UFM1: variants seen among roughly 807,000 people sequenced by gnomAD.
The protein encoded by UFM1 is ubiquitin fold modifier 1.
A neutral mutation model predicts 15.4 loss-of-function variants in UFM1; 9 were observed. The ratio of observed to expected loss-of-function variants is 0.59; its 90% CI spans 0.35 to 1.02. The LOEUF is 1.02. Ranked by LOEUF, UFM1 falls within the 50% of genes least tolerant of loss-of-function variation. The pLI, the probability that UFM1 is intolerant of heterozygous loss-of-function variation, is 0.02. For synonymous variants in UFM1, 27 were observed against 36.3 expected (o/e 0.74, Z 0.92); for missense variants, 98 against 104.7 (o/e 0.94, Z 0.28).
intron 2 of UFM1, among the ~76,000 whole-genome samples, chr13:38,352,311 A>G (rs919152009): frequency 5.3e-5 from 8 of 151,740 alleles, no homozygotes; most frequent in African/African-American, 1.9e-4. Context: ...GTTAGCCAGG[A>G]TGGTTTCCAT....
Position 38,360,732 on chromosome 13 carries a change from G to C in UFM1, c.212G>C (p.Gly71Ala), listed in dbSNP as rs750910147. The change falls in exon 6 of 6, where the codon GGT becomes GCT. Residue 71 changes from glycine to alanine, a missense_variant. Transcript: ENST00000239878. ...ATAGGAAATGTTTTTCTAAAACATGGTTCAGAACTGCGGATTATTCCTAGA... is the reference window on the plus strand; with the variant it reads ...ATAGGAAATGTTTTTCTAAAACATGCTTCAGAACTGCGGATTATTCCTAGA... ...QTAGNVFLKH[G>A]SELRIIPRDR... 6.2e-7 allele frequency: 1 copy of C among 1,607,298 alleles called. No homozygotes were observed. The highest frequency in any genetic ancestry group is 1.7e-5 in the Admixed American group (1 of 59,650).
At chr13:38,358,880 A>G (rs563986410) in intron 4 of UFM1, among the ~76,000 whole-genome samples, 1 of 152,176 alleles carries the variant, frequency 6.6e-6, no homozygotes, top group South Asian at 2.1e-4. Flanking sequence ...TAACTTAGTA[A>G]CGTGTTGAAC....
At chr13:38,360,476 T>C (rs892049589) in intron 5 of UFM1, among the ~76,000 whole-genome samples, 1 of 152,042 alleles carries the variant, frequency 6.6e-6, no homozygotes, top group Non-Finnish European at 1.5e-5. Context: ...TTGATGAAAG[T>C]ATTCGTCAGA....
chr13:38,353,906 C>G (rs142164132), intron 2 of UFM1, among the ~76,000 whole-genome samples: 2 of 152,146 alleles, frequency 1.3e-5, no homozygotes, highest in African/African-American at 2.4e-5. Flanking sequence ...AGAGCTTCAC[C>G]TTTTTGAAAT....
At chr13:38,349,958 C>A in intron 1 of UFM1, 37 bp downstream of exon 1, 1 of 1,614,050 alleles carries the variant, frequency 6.2e-7, no homozygotes, top group Non-Finnish European at 8.5e-7. Flanking sequence ...AATTCCTGGT[C>A]CAGCTGCCCG....
chr13:38,353,549 AT>A (rs966920449), intron 2 of UFM1, among the ~76,000 whole-genome samples: 8 of 152,026 alleles, frequency 5.3e-5, no homozygotes. Flanking sequence ...GAAAAAAAAA[AT>A]ATATTTATTC....
At position 38,361,078 on chromosome 13, in the gene UFM1, T is replaced by A. The variant is rs111718532; in HGVS notation, c.*300T>A. On this transcript the variant is annotated 3_prime_UTR_variant, in exon 6 of 6. Transcript: ENST00000239878. ...ACTGTTAACTGGAAGCTTTTGATAATTTTTTTTTTTAGAACAATTTGGAAC... is the reference window on the plus strand; with the variant it reads ...ACTGTTAACTGGAAGCTTTTGATAAATTTTTTTTTTAGAACAATTTGGAAC... The A allele has an allele frequency of 0.027, 4,641 of 174,050 alleles. 248 individuals carry two copies. Among genetic ancestry groups the A allele is most frequent in the African/African-American group, 0.11 (4,369 of 39,706 alleles). 10.8% of individuals were successfully genotyped at this position (174,050 alleles called of 1,614,324 possible). A position where few individuals can be genotyped will look rare whatever the true frequency, so the allele number is the denominator to read the frequency against.
At chr13:38,358,260 C>A (rs564552084) in intron 4 of UFM1, 128 bp downstream of exon 4, 29 of 449,580 alleles carry the variant, frequency 6.5e-5, no homozygotes, top group African/African-American at 5.8e-4. Context: ...GATATACTTA[C>A]TGGTAAACAC....
chr13:38,360,635 ATATTT>A (rs1879326740), intron 5 of UFM1, 71 bp from the exon 6 acceptor site: 1 of 1,110,304 alleles, frequency 9.0e-7, no homozygotes, highest in East Asian at 2.6e-5. Context: ...ATCATTTATT[ATATTT>A]AATAATTGTC....
intron 3 of UFM1, among the ~76,000 whole-genome samples, chr13:38,355,522 CATTG>C (rs1215347096): frequency 6.6e-6 from 1 of 151,820 alleles, no homozygotes; most frequent in African/African-American, 2.4e-5. Flanking sequence ...TTTAGTTACT[CATTG>C]TGTGTCCTTT....
In UFM1 at chr13:38,353,891, C is replaced by G. The variant is rs190972560; in HGVS notation, c.60-348C>G. Reference sequence around the variant, plus strand: ...ATGGGAGGTAAAGTGGACTGAAGACCAAGGAGAGCTTCACCTTTTTGAAAT... The same window carrying G: ...ATGGGAGGTAAAGTGGACTGAAGACGAAGGAGAGCTTCACCTTTTTGAAAT... On this transcript the variant is annotated intron_variant, in intron 2 of 5. Coordinates refer to ENST00000239878, the MANE Select transcript of UFM1 (RefSeq NM_016617.4). Among the ~76,000 whole-genome samples the G allele has an allele frequency of 7.2e-4, 109 of 152,064 alleles. 1 individual carries two copies. Among genetic ancestry groups the G allele is most frequent in the African/African-American group, 2.5e-3 (105 of 41,506 alleles).
intron 2 of UFM1, among the ~76,000 whole-genome samples, chr13:38,353,216 A>G (rs992675744): frequency 2.6e-5 from 4 of 152,134 alleles, no homozygotes; most frequent in East Asian, 1.9e-4. Context: ...AGAGATCTGT[A>G]GACTGAGTGA....
intron 2 of UFM1, 46 bp downstream of exon 2, chr13:38,350,101 G>C: frequency 6.2e-7 from 1 of 1,614,224 alleles, no homozygotes; most frequent in African/African-American, 1.3e-5. Flanking sequence ...GGACAAGACG[G>C]GGCTGGGTTG....
intron 4 of UFM1, among the ~76,000 whole-genome samples, 184 bp downstream of exon 4, chr13:38,358,316 A>T (rs1879214529): frequency 6.6e-6 from 1 of 151,782 alleles, no homozygotes; most frequent in African/African-American, 2.4e-5. Context: ...ATTTCTTTGT[A>T]TATAGCTTTT....
chr13:38,358,869 A>G (rs533391708), intron 4 of UFM1, among the ~76,000 whole-genome samples: 1 of 152,174 alleles, frequency 6.6e-6, no homozygotes, highest in Non-Finnish European at 1.5e-5. Context: ...GTTTTAGGTC[A>G]TAACTTAGTA....
At position 38,358,109 on chromosome 13, in the gene UFM1, C is replaced by A; in HGVS notation, c.134C>A (p.Ala45Glu). Reference sequence around the variant, plus strand: ...TCTATTTAGTTTAAAGTTCCTGCTGCAACAAGTGCAATTATTACCAATGGT... The same window carrying A: ...TCTATTTAGTTTAAAGTTCCTGCTGAAACAAGTGCAATTATTACCAATGGT... The part of the protein sequence containing the change: ...FAAEEFKVPA[A>E]TSAIITNDGI... Residue 45 changes from alanine to glutamate, a missense_variant, in exon 4 of 6, where the codon GCA becomes GAA. By Grantham distance (107) the Ala-to-Glu change is moderately radical. Coordinates refer to ENST00000239878, the MANE Select transcript of UFM1 (RefSeq NM_016617.4). 2 of 1,423,790 alleles carry A rather than the reference C, an allele frequency of 1.4e-6. No individual in the cohort carries two copies. The highest frequency in any genetic ancestry group is 9.4e-7 in the Non-Finnish European group (1 of 1,066,712). The allele number at this position is 1,423,790 out of a possible 1,614,324, so 88.2% of individuals were successfully genotyped here.
At chr13:38,359,388 A>G (rs1879272093) in intron 5 of UFM1, 55 bp downstream of exon 5, 4 of 1,571,420 alleles carry the variant, frequency 2.5e-6, no homozygotes, top group Non-Finnish European at 3.5e-6. Flanking sequence ...GTCAATTGAC[A>G]CTGAATAGTT....
Position 38,358,128 on chromosome 13 carries a change from C to A in UFM1, c.153C>A (p.Thr51=). Residue 51 remains threonine, a synonymous_variant, in exon 4 of 6, where the codon ACC becomes ACA. Coordinates refer to ENST00000239878, the MANE Select transcript of UFM1 (RefSeq NM_016617.4). ...CTGCTGCAACAAGTGCAATTATTAC[C>A]AATGGTAAGAATTCACTATAAAATT... is the stretch of plus-strand genomic sequence containing the variant. ...KVPAATSAII[T]NDGIGINPAQ... The A allele has an allele frequency of 7.0e-7, 1 of 1,438,626 alleles. No homozygotes were observed. The highest frequency in any genetic ancestry group is 9.3e-7 in the Non-Finnish European group (1 of 1,080,400). 89.1% of individuals were successfully genotyped at this position (1,438,626 alleles called of 1,614,324 possible). A position where few individuals can be genotyped will look rare whatever the true frequency, so the allele number is the denominator to read the frequency against.
In UFM1 at chr13:38,349,925, A is replaced by C. The variant is rs2231329; in HGVS notation, c.2+4A>C. 2.7e-4 allele frequency: 430 copies of C among 1,613,918 alleles called. 4 individuals are homozygous for C. The African/African-American group carries it at 5.2e-3, about 20-fold the overall frequency. On this transcript the variant is annotated splice_donor_region_variant and intron_variant, in intron 1 of 5. Transcript: ENST00000239878. ...GGATTCATTCCGGCACCACCATGTA[A>C]GTGTTTGCTTACCGACTGCCATAAT... is the stretch of plus-strand genomic sequence containing the variant.
Sources: gnomAD v4.1 joint callset for allele counts (sites outside exome capture counted in the v4.1 genomes callset) on GRCh38, gnomAD v4.1.1 for gene constraint, MANE v1.5 for transcripts, NCBI Gene and HGNC (gene_info 2026-07-23, HGNC 2026-07-21) for gene names.